ADAM18: variants seen among roughly 807,000 people sequenced by gnomAD.
ADAM18 encodes the protein disintegrin and metalloproteinase domain-containing protein 18.
ADAM18 carries 117 observed loss-of-function variants against 94.4 expected under a neutral mutation model. The observed-to-expected ratio is 1.24, with a 90% CI of 1.07 to 1.45. The LOEUF (loss-of-function observed/expected upper bound fraction) is 1.45. Ranked by LOEUF, ADAM18 falls within the 40% of genes most tolerant of loss-of-function variation. The probability of loss-of-function intolerance (pLI) is 0.00; values close to 1 mark genes in which losing one functional copy is unlikely to be tolerated. For synonymous variants in ADAM18, 327 were observed against 291.6 expected, an observed-to-expected ratio of 1.12 and a Z score of -1.24; for missense variants, 936 against 880.0, an observed-to-expected ratio of 1.06 and a Z score of -0.81.
At chr8:39,689,666 T>G (rs1442617954) in intron 16 of ADAM18, among the ~76,000 whole-genome samples, 1 of 152,212 alleles carries the variant, frequency 6.6e-6, no homozygotes, top group African/African-American at 2.4e-5. Flanking sequence ...AGGATTGCAT[T>G]GGCTATTCAG....
intron 12 of ADAM18, among the ~76,000 whole-genome samples, chr8:39,652,571 G>C (rs28845187): frequency 0.031 from 4,765 of 152,204 alleles, 267 homozygotes; most frequent in African/African-American, 0.11. Flanking sequence ...GTGGAGTAAA[G>C]GAAACCTTTG....
intron 13 of ADAM18, 77 bp downstream of exon 13, chr8:39,663,967 T>C: frequency 2.1e-6 from 2 of 932,732 alleles, no homozygotes; most frequent in Non-Finnish European, 3.3e-6. Context: ...AATGTGCAAT[T>C]AATAAAAAGA....
intron 12 of ADAM18, among the ~76,000 whole-genome samples, chr8:39,659,736 A>G (rs895819205): frequency 6.6e-6 from 1 of 152,186 alleles, no homozygotes; most frequent in African/African-American, 2.4e-5. Flanking sequence ...CATATCTAAT[A>G]GCAAGGGAAC....
chr8:39,587,816 C>T (rs1563264102), intron 2 of ADAM18, among the ~76,000 whole-genome samples: 1 of 152,158 alleles, frequency 6.6e-6, no homozygotes, highest in Non-Finnish European at 1.5e-5. Context: ...GTGACTGTCT[C>T]ATTTAACATA....
chr8:39,677,634 T>G (rs967398013), intron 15 of ADAM18, 98 bp downstream of exon 15: 4 of 776,446 alleles, frequency 5.2e-6, no homozygotes, highest in Non-Finnish European at 1.9e-6. Context: ...TTTTATAACA[T>G]GGGAATATTT....
chr8:39,651,371 G>C (rs888197237), intron 12 of ADAM18, among the ~76,000 whole-genome samples: 1 of 152,160 alleles, frequency 6.6e-6, no homozygotes, highest in Non-Finnish European at 1.5e-5. Context: ...GGACGTTCAG[G>C]TCTTTGCCTT....
chr8:39,705,182 G>A (rs555504752), intron 17 of ADAM18, among the ~76,000 whole-genome samples: 1 of 152,018 alleles, frequency 6.6e-6, no homozygotes, highest in Non-Finnish European at 1.5e-5. Flanking sequence ...ACAGAATATT[G>A]TAAGGTTATC....
intron 6 of ADAM18, chr8:39,611,302 C>A: frequency 2.0e-6 from 1 of 509,414 alleles, no homozygotes; most frequent in Non-Finnish European, 2.5e-6. Flanking sequence ...TGTCTTATGG[C>A]AGTGTGCTTA....
chr8:39,629,550 C>A, intron 7 of ADAM18, 111 bp downstream of exon 7: 1 of 695,732 alleles, frequency 1.4e-6, no homozygotes, highest in Non-Finnish European at 2.3e-6. Flanking sequence ...TCCTTCTTTC[C>A]CTTCCTCCAT....
intron 6 of ADAM18, among the ~76,000 whole-genome samples, chr8:39,619,577 T>C (rs1340894578): frequency 1.3e-5 from 2 of 152,018 alleles, no homozygotes; most frequent in Non-Finnish European, 2.9e-5. Context: ...AAAAAAACAG[T>C]ATCATTTCTA....
chr8:39,671,032 C>T (rs1821140461), intron 14 of ADAM18, among the ~76,000 whole-genome samples: 1 of 152,224 alleles, frequency 6.6e-6, no homozygotes, highest in African/African-American at 2.4e-5. Flanking sequence ...CTCCTCTGCT[C>T]CATCCAGCTT....
At chr8:39,695,081 T>C (rs1483159413) in intron 17 of ADAM18, among the ~76,000 whole-genome samples, 3 of 151,566 alleles carry the variant, frequency 2.0e-5, no homozygotes, top group Non-Finnish European at 4.4e-5. Context: ...TATCATTGAA[T>C]AATATTCCAC....
intron 6 of ADAM18, among the ~76,000 whole-genome samples, chr8:39,621,309 TCACACACA>T (rs55818122): frequency 0.12 from 15,035 of 128,778 alleles, 856 homozygotes; most frequent in South Asian, 0.22. Flanking sequence ...CATGACAAAA[TCACACACA>T]CACACACACA....
intron 16 of ADAM18, among the ~76,000 whole-genome samples, chr8:39,690,251 G>A (rs1821734767): frequency 6.6e-6 from 1 of 152,088 alleles, no homozygotes; most frequent in Non-Finnish European, 1.5e-5. Flanking sequence ...TGTGCCACTA[G>A]GGCAGAGGCA....
intron 6 of ADAM18, among the ~76,000 whole-genome samples, chr8:39,623,580 GTTTGTTTT>G (rs1819678571): frequency 6.6e-6 from 1 of 150,636 alleles, no homozygotes; most frequent in African/African-American, 2.4e-5. Flanking sequence ...ATAATTTTTT[GTTTGTTTT>G]TTTGTTTTTG....
chr8:39,704,816 A>G (rs1376337625), intron 17 of ADAM18, among the ~76,000 whole-genome samples: 2 of 152,074 alleles, frequency 1.3e-5, no homozygotes, highest in Non-Finnish European at 2.9e-5. Context: ...AAGGGATTAT[A>G]TGCATTATGT....
intron 6 of ADAM18, among the ~76,000 whole-genome samples, chr8:39,625,581 G>A (rs1422716767): frequency 1.3e-5 from 2 of 152,088 alleles, no homozygotes; most frequent in African/African-American, 2.4e-5. Flanking sequence ...ATGTTGAATA[G>A]AAGTAGTGAA....
At position 39,700,470 on chromosome 8, in the gene ADAM18, C is replaced by T. The variant is rs185316795; in HGVS notation, c.1903-6320C>T. On this transcript the variant is annotated intron_variant, in intron 17 of 19. Coordinates refer to ENST00000265707, the MANE Select transcript of ADAM18 (RefSeq NM_014237.3). ...TCTCACTGAAATTTGAAAAAATGTACATAGAACTTTTAGGTAAATGTAATA... is the reference window on the plus strand; with the variant it reads ...TCTCACTGAAATTTGAAAAAATGTATATAGAACTTTTAGGTAAATGTAATA... 5.4e-3 allele frequency among the ~76,000 whole-genome samples: 818 copies of T among 152,132 alleles called. 7 individuals are homozygous for T. The highest frequency in any genetic ancestry group is 0.019 in the African/African-American group (801 of 41,512).
chr8:39,692,795 A>T, intron 17 of ADAM18, 115 bp downstream of exon 17: 1 of 663,638 alleles, frequency 1.5e-6, no homozygotes, highest in Non-Finnish European at 2.4e-6. Context: ...AGACTAATAT[A>T]AAGAAAATTA....
Sources: gnomAD v4.1 joint callset for allele counts (sites outside exome capture counted in the v4.1 genomes callset) on GRCh38, gnomAD v4.1.1 for gene constraint, MANE v1.5 for transcripts, NCBI Gene and HGNC (gene_info 2026-07-23, HGNC 2026-07-21) for gene names.